The following AHCYL2 variants were observed in gnomAD, a reference collection of about 807,000 sequenced individuals.
The protein encoded by AHCYL2 is S-adenosylhomocysteine hydrolase-like protein 2.
AHCYL2 carries 28 observed loss-of-function variants against 81.4 expected under a neutral mutation model. The ratio of observed to expected loss-of-function variants is 0.34; its 90% confidence interval spans 0.25 to 0.47. The LOEUF (loss-of-function observed/expected upper bound fraction) is 0.47, where lower values mean the gene tolerates loss of function less well. Ranked by LOEUF, AHCYL2 falls within the 20% of genes least tolerant of loss-of-function variation. The probability of loss-of-function intolerance (pLI) is 1.00; values close to 1 mark genes in which losing one functional copy is unlikely to be tolerated. For missense variants in AHCYL2, 551 were observed against 785.1 expected (o/e 0.70, Z 3.56); for synonymous variants, 272 against 290.2 (o/e 0.94, Z 0.64).
rs1156382531 is a variant in AHCYL2, at chr7:129,225,141, T to C, written c.65T>C (p.Leu22Pro). ...AKVPEVELKD[L>P]SPSEAESQLG... is the part of the protein sequence containing the mutation. ...GTGCCTGAGGTGGAGCTGAAGGACC[T>C]GAGCCCCTCCGAGGCGGAGTCGCAA... The change falls in exon 1 of 17, where the codon CTG (leucine) becomes CCG (proline). Residue 22 changes from leucine (L) to proline (P), a missense_variant. Leu to Pro is a moderately conservative substitution (Grantham distance 98). Coordinates refer to ENST00000325006, the MANE Select transcript of AHCYL2 (RefSeq NM_015328.4). The C allele has an allele frequency of 1.9e-6, 3 of 1,602,198 alleles. No homozygotes were observed. The highest frequency in any genetic ancestry group is 1.7e-5 in the Admixed American group (1 of 58,950).
At chr7:129,300,579 C>T (rs1797225816) in intron 1 of AHCYL2, among the ~76,000 whole-genome samples, 2 of 152,200 alleles carry the variant, frequency 1.3e-5, no homozygotes, top group Non-Finnish European at 2.9e-5. Context: ...CAAATACTGG[C>T]TGTTGTGAAC....
In AHCYL2 at chr7:129,225,511, G is replaced by T. The variant is rs1231250317; in HGVS notation, c.363+72G>T. 7.1e-6 allele frequency: 10 copies of T among 1,416,454 alleles called. No homozygotes were observed. The Admixed American group carries it at 9.1e-5, about 13-fold the overall frequency. The allele number at this position is 1,416,454 out of a possible 1,614,324, so 87.7% of individuals were successfully genotyped here. On this transcript the variant is annotated intron_variant, in intron 1 of 16. Transcript: ENST00000325006. Reference sequence around the variant, plus strand: ...GAACTGCAGATCCTCTCGGCACGGCGGCACCACCCTCCACGCCCTCCTTTC... The same window carrying T: ...GAACTGCAGATCCTCTCGGCACGGCTGCACCACCCTCCACGCCCTCCTTTC...
chr7:129,328,281 G>A (rs926814994), intron 1 of AHCYL2, among the ~76,000 whole-genome samples: 2 of 152,104 alleles, frequency 1.3e-5, no homozygotes, highest in Admixed American at 1.3e-4. Flanking sequence ...GGGTTCAAGT[G>A]ATTTGCCTGT....
intron 1 of AHCYL2, among the ~76,000 whole-genome samples, chr7:129,325,756 C>G (rs1370621727): frequency 6.7e-6 from 1 of 150,122 alleles, no homozygotes; most frequent in African/African-American, 2.5e-5. Flanking sequence ...GACTTTTACT[C>G]TGTTGCCCAG....
chr7:129,250,438 G>A (rs1020625185), intron 1 of AHCYL2, among the ~76,000 whole-genome samples: 3 of 152,168 alleles, frequency 2.0e-5, no homozygotes, highest in African/African-American at 7.2e-5. Context: ...GTTTTTTGAA[G>A]ATTCTTTAGG....
At chr7:129,264,288 G>A (rs1420180597) in intron 1 of AHCYL2, among the ~76,000 whole-genome samples, 1 of 152,156 alleles carries the variant, frequency 6.6e-6, no homozygotes, top group Non-Finnish European at 1.5e-5. Flanking sequence ...CCCAAAGTGC[G>A]GGATTACAGG....
rs1731249956 is a variant in AHCYL2 at position 129,425,231 on chromosome 7, A to G, written c.1708+90A>G. The G allele has an allele frequency of 4.3e-6, 5 of 1,152,798 alleles. No homozygotes were observed. The Admixed American group carries it at 9.6e-5, about 22-fold the overall frequency. 71.4% of individuals were successfully genotyped at this position (1,152,798 alleles called of 1,614,324 possible). On this transcript the variant is annotated intron_variant, in intron 15 of 16. Coordinates refer to ENST00000325006, the MANE Select transcript of AHCYL2 (RefSeq NM_015328.4). ...TTTGGGGGCATTAACTTACTTAAGG[A>G]TGGGGGAAAAAAGGTACCTTCATCT... is the stretch of plus-strand genomic sequence containing the variant.
At chr7:129,294,634 A>G (rs1033015539) in intron 1 of AHCYL2, among the ~76,000 whole-genome samples, 2 of 152,200 alleles carry the variant, frequency 1.3e-5, no homozygotes, top group Non-Finnish European at 2.9e-5. Flanking sequence ...CACCATGTTA[A>G]TCTATATCCA....
intron 1 of AHCYL2, among the ~76,000 whole-genome samples, chr7:129,348,322 G>A (rs1010712321): frequency 6.6e-6 from 1 of 152,022 alleles, no homozygotes; most frequent in Non-Finnish European, 1.5e-5. Flanking sequence ...TCAAGATAAT[G>A]TTGAGGGGGA....
intron 12 of AHCYL2, among the ~76,000 whole-genome samples, chr7:129,418,363 A>G (rs1584908744): frequency 1.3e-5 from 2 of 151,910 alleles, no homozygotes; most frequent in Non-Finnish European, 2.9e-5. Flanking sequence ...GCAGTGGTGC[A>G]ATCTCGGCTC....
At chr7:129,262,989 G>A (rs950476142) in intron 1 of AHCYL2, among the ~76,000 whole-genome samples, 3 of 152,244 alleles carry the variant, frequency 2.0e-5, no homozygotes, top group East Asian at 1.9e-4. Context: ...TAAAAGAAAG[G>A]GCCTTATATT....
chr7:129,426,474 C>A lies in AHCYL2; in HGVS notation c.1740C>A (p.Thr580=). Reference sequence around the variant, plus strand: ...ATGTGGCCAGCCTACACCTGCCTACCTTTGATGCCCACTTGACAGAGCTGA... The same window carrying A: ...ATGTGGCCAGCCTACACCTGCCTACATTTGATGCCCACTTGACAGAGCTGA... ...DEYVASLHLP[T]FDAHLTELTD... Residue 580 remains threonine, a synonymous_variant, in exon 16 of 17, where the codon ACC becomes ACA. Coordinates refer to ENST00000325006, the MANE Select transcript of AHCYL2 (RefSeq NM_015328.4). This position sits in a 1 kb window ranked among gnomAD's most constrained non-coding sequence, Gnocchi z 4.3. The A allele has an allele frequency of 6.2e-7, 1 of 1,614,122 alleles. No individual in the cohort carries two copies. Among genetic ancestry groups the A allele is most frequent in the Non-Finnish European group, 8.5e-7 (1 of 1,179,990 alleles).
intron 1 of AHCYL2, among the ~76,000 whole-genome samples, chr7:129,362,296 G>A (rs927463310): frequency 6.6e-6 from 1 of 152,106 alleles, no homozygotes; most frequent in African/African-American, 2.4e-5. Context: ...CTGTAATGAT[G>A]ATGCTTCCAT....
chr7:129,280,178 C>CTTTTTTTTTTTTTTTTTT (rs59849233), intron 1 of AHCYL2, among the ~76,000 whole-genome samples: 3 of 112,560 alleles, frequency 2.7e-5, no homozygotes, highest in Non-Finnish European at 5.3e-5. Context: ...TTGCTAAATA[C>CTTTTTTTTTTTTTTTTTT]TTTTTTTTTT....
At chr7:129,319,329 C>T (rs1434001388) in intron 1 of AHCYL2, among the ~76,000 whole-genome samples, 1 of 152,014 alleles carries the variant, frequency 6.6e-6, no homozygotes, top group African/African-American at 2.4e-5. Context: ...GTGGTGCCCA[C>T]CTGTAATCCC....
intron 1 of AHCYL2, among the ~76,000 whole-genome samples, chr7:129,364,392 G>A (rs1046548292): frequency 1.3e-5 from 2 of 152,082 alleles, no homozygotes; most frequent in Admixed American, 6.5e-5. Context: ...CCAAGTTCAA[G>A]CAATTCTCCT....
chr7:129,259,896 G>C (rs758868655), intron 1 of AHCYL2, among the ~76,000 whole-genome samples: 15 of 152,108 alleles, frequency 9.9e-5, no homozygotes, highest in Admixed American at 6.5e-4. Context: ...GGCCAACATG[G>C]TGAAACCCTG....
chr7:129,254,666 A>G (rs1335592959), intron 1 of AHCYL2, among the ~76,000 whole-genome samples: 1 of 152,198 alleles, frequency 6.6e-6, no homozygotes, highest in Non-Finnish European at 1.5e-5. Context: ...AAAACCATCA[A>G]TGCTCATTAA....
intron 2 of AHCYL2, among the ~76,000 whole-genome samples, chr7:129,384,205 A>G (rs1463401077): frequency 6.6e-6 from 1 of 150,556 alleles, no homozygotes; most frequent in African/African-American, 2.4e-5. Flanking sequence ...ATTTTTCTTC[A>G]TAGCACTTAT....
Sources: allele counts gnomAD v4.1 joint callset (sites outside exome capture counted in the v4.1 genomes callset), GRCh38; gene constraint gnomAD v4.1.1; non-coding constraint Gnocchi (gnomAD v3.1); transcripts MANE v1.5; gene names NCBI Gene and HGNC (gene_info 2026-07-23, HGNC 2026-07-21).